MELTF: variants seen among roughly 807,000 people sequenced by gnomAD.
The protein encoded by MELTF is melanotransferrin.
In MELTF, 67 loss-of-function variants were observed where a neutral mutation model predicts 83.7. The observed-to-expected ratio is 0.80, with a 90% CI of 0.66 to 0.98. MELTF has a LOEUF of 0.98. MELTF is among the 50% of genes least tolerant of loss of function. The pLI, the probability that MELTF is intolerant of heterozygous loss-of-function variation, is 0.00. For missense variants in MELTF, 1,002 were observed against 1,035.6 expected, an observed-to-expected ratio of 0.97 and a Z score of 0.44; for synonymous variants, 462 against 447.6, an observed-to-expected ratio of 1.03 and a Z score of -0.41.
chr3:197,027,071 TC>T (rs1719886668), intron 2 of MELTF: 1 of 361,642 alleles, frequency 2.8e-6, no homozygotes, highest in Admixed American at 3.9e-5. Context: ...TCGCTTTCTG[TC>T]CCTCCACCCT....
rs1213827740 is a variant in MELTF at position 197,008,784 on chromosome 3, CCA to C, written c.1682+23_1682+24del. 6.2e-7 allele frequency: 1 copy of C among 1,613,794 alleles called. No homozygotes were observed. The highest frequency in any genetic ancestry group is 8.5e-7 in the Non-Finnish European group (1 of 1,179,892). On this transcript the variant is annotated intron_variant, in intron 12 of 15. Coordinates refer to ENST00000296350, the MANE Select transcript of MELTF (RefSeq NM_005929.6). The surrounding 1 kb of genome is among the most constrained non-coding windows in gnomAD (Gnocchi z 5.4). ...AGGGTCCCAGCCTCTGCACACAGCC[CCA>C]GACTGCCAGGCCACCCGGGTACCTG...
chr3:197,012,540 C>T (rs2148582054), intron 9 of MELTF, among the ~76,000 whole-genome samples: 1 of 152,386 alleles, frequency 6.6e-6, no homozygotes, highest in Admixed American at 6.5e-5. Flanking sequence ...GCAGAGTTGG[C>T]ACTGCTGAGG....
In MELTF at chr3:197,022,805, G is replaced by A; in HGVS notation, c.644+152C>T. 2.8e-6 allele frequency: 2 copies of A among 719,446 alleles called. No individual in the cohort carries two copies. The highest frequency in any genetic ancestry group is 3.7e-5 in the South Asian group (2 of 53,362). The allele number at this position is 719,446 out of a possible 1,614,324, so 44.6% of individuals were successfully genotyped here. A position where few individuals can be genotyped will look rare whatever the true frequency, so the allele number is the denominator to read the frequency against. On this transcript the variant is annotated intron_variant, in intron 5 of 15. Transcript: ENST00000296350. The surrounding 1 kb of genome is among the most constrained non-coding windows in gnomAD (Gnocchi z 5.1). ...GCTGGATGTTTTTAAACTAACCAGG[G>A]CACAGAACTATATAAAGGGTGCTTT...
chr3:197,012,242 G>A (rs895995053), intron 9 of MELTF, among the ~76,000 whole-genome samples: 2 of 152,206 alleles, frequency 1.3e-5, no homozygotes, highest in Non-Finnish European at 2.9e-5. Flanking sequence ...CTCAGGCAAC[G>A]CGGTGTGGGG....
Position 197,007,033 on chromosome 3 carries a change from T to C in MELTF, c.1751-297A>G, listed in dbSNP as rs761157952. ...CCCCACAACAGTAACGCAGGGTAGG[T>C]GTTTTTGTCCCCATTTTACAGGTGA... On this transcript the variant is annotated intron_variant, in intron 13 of 15. Transcript: ENST00000296350. The surrounding 1 kb of genome is among the most constrained non-coding windows in gnomAD (Gnocchi z 4.3). Among the ~76,000 whole-genome samples, 2 of 152,072 alleles carry C rather than the reference T, an allele frequency of 1.3e-5. No individual in the cohort carries two copies. The highest frequency in any genetic ancestry group is 2.9e-5 in the Non-Finnish European group (2 of 68,004).
chr3:197,017,058 A>G (rs1215865749), intron 7 of MELTF, 45 bp downstream of exon 7: 1 of 1,590,806 alleles, frequency 6.3e-7, no homozygotes, highest in East Asian at 2.3e-5. Flanking sequence ...AAGGCCCGGC[A>G]CCATCTAGGA....
At chr3:197,026,403 T>C (rs896950836) in intron 3 of MELTF, 10 of 491,756 alleles carry the variant, frequency 2.0e-5, no homozygotes, top group Admixed American at 3.2e-5. Flanking sequence ...CAGCCCGCAG[T>C]AAGAGCTGAG....
rs1056410864 is a variant in MELTF at position 197,011,383 on chromosome 3, C to G, written c.1234-589G>C. ...GCCTCCAGGTCACCTGCACCCACCC[C>G]GCTTGTCCATTCGGAAGCCTATTGA... On this transcript the variant is annotated intron_variant, in intron 9 of 15. Coordinates refer to ENST00000296350, the MANE Select transcript of MELTF (RefSeq NM_005929.6). The surrounding 1 kb of genome is among the most constrained non-coding windows in gnomAD (Gnocchi z 4.2). Among the ~76,000 whole-genome samples, 1 of 152,154 alleles carries G rather than the reference C, an allele frequency of 6.6e-6. No individual in the cohort carries two copies. Among genetic ancestry groups the G allele is most frequent in the Non-Finnish European group, 1.5e-5 (1 of 68,022 alleles).
rs532164402 is a variant in MELTF at position 197,021,344 on chromosome 3, C to T, written c.712+60G>A. On this transcript the variant is annotated intron_variant, in intron 6 of 15. Transcript: ENST00000296350. ...CCAACTCTGCCATCTAGGGTCCCTGCCCCAAGCCGGCCTGGCCTGACTCCC... is the reference window on the plus strand; with the variant it reads ...CCAACTCTGCCATCTAGGGTCCCTGTCCCAAGCCGGCCTGGCCTGACTCCC... 9 of 1,562,892 alleles carry T rather than the reference C, an allele frequency of 5.8e-6. No homozygotes were observed. The Admixed American group carries it at 1.3e-4, about 23-fold the overall frequency.
In MELTF at chr3:197,024,852, C is replaced by T. The variant is rs147605333; in HGVS notation, c.305-367G>A. Reference sequence around the variant, plus strand: ...TCCTTGCTTTCCAAGAGCCTAGGCCCCTAGGAGAACTTGGAGGGTTTGGGG... The same window carrying T: ...TCCTTGCTTTCCAAGAGCCTAGGCCTCTAGGAGAACTTGGAGGGTTTGGGG... On this transcript the variant is annotated intron_variant, in intron 3 of 15. Coordinates refer to ENST00000296350, the MANE Select transcript of MELTF (RefSeq NM_005929.6). The surrounding 1 kb of genome is among the most constrained non-coding windows in gnomAD (Gnocchi z 5.3). Among the ~76,000 whole-genome samples, 93 of 152,214 alleles carry T rather than the reference C, an allele frequency of 6.1e-4. No individual in the cohort carries two copies. The highest frequency in any genetic ancestry group is 1.1e-3 in the Non-Finnish European group (76 of 68,008).
rs148328143 is a variant in MELTF at position 197,024,465 on chromosome 3, C to G, written c.325G>C (p.Ala109Pro). The change falls in exon 4 of 16, where the codon GCC becomes CCC. Residue 109 changes from alanine to proline, a missense_variant. Transcript: ENST00000296350. The surrounding 1 kb of genome is among the most constrained non-coding windows in gnomAD (Gnocchi z 5.3). ...YDQEVGTSYY[A>P]VAVVRRSSHV... ...GAGCTCCTCCTGACCACAGCCACGG[C>G]GTAATAGGAGGTACCGACCTCTAGG... The G allele has an allele frequency of 6.3e-7, 1 of 1,593,588 alleles. No individual in the cohort carries two copies. Among genetic ancestry groups the G allele is most frequent in the Admixed American group, 1.7e-5 (1 of 58,760 alleles).
chr3:197,029,619 C>G lies in MELTF; in HGVS notation c.49+35G>C. The G allele has an allele frequency of 8.1e-7, 1 of 1,240,002 alleles. No individual in the cohort carries two copies. Among genetic ancestry groups the G allele is most frequent in the South Asian group, 3.6e-5 (1 of 27,424 alleles). The allele number at this position is 1,240,002 out of a possible 1,614,324, so 76.8% of individuals were successfully genotyped here. Reference sequence around the variant, plus strand: ...AGCCGGGCCGCGGCGCCCCGGGACCCCCGCCCGCCTTTGGCTCTCACAGCG... The same window carrying G: ...AGCCGGGCCGCGGCGCCCCGGGACCGCCGCCCGCCTTTGGCTCTCACAGCG... On this transcript the variant is annotated intron_variant, in intron 1 of 15. Transcript: ENST00000296350. The surrounding 1 kb of genome is among the most constrained non-coding windows in gnomAD (Gnocchi z 6.5).
rs776798204 is a variant in MELTF at position 197,016,352 on chromosome 3, C to T, written c.918G>A (p.Glu306=). 1.3e-6 allele frequency: 2 copies of T among 1,597,400 alleles called. No homozygotes were observed. The highest frequency in any genetic ancestry group is 1.7e-6 in the Non-Finnish European group (2 of 1,171,698). ...AGCTGAACATCTGGAAGCTGCTGCC[C>T]TCGTGGCTGAACAGACGCTGTGTGT... is the stretch of plus-strand genomic sequence containing the variant. ...LNEGQRLFSH[E]GSSFQMFSSE... Residue 306 remains glutamate (E), a synonymous_variant, in exon 8 of 16, where the codon GAG becomes GAA. Transcript: ENST00000296350.
In MELTF at chr3:197,024,517, A is replaced by AG; in HGVS notation, c.305-33dup. Reference sequence around the variant, plus strand: ...GGGGAGGGGAGTGGGTGAGGGCAGCAGGGAGAGGCCTCGAGAGAGGCTGCA... The same window carrying AG: ...GGGGAGGGGAGTGGGTGAGGGCAGCAGGGGAGAGGCCTCGAGAGAGGCTGCA... On this transcript the variant is annotated intron_variant, in intron 3 of 15. Transcript: ENST00000296350. This position sits in a 1 kb window ranked among gnomAD's most constrained non-coding sequence, Gnocchi z 5.3. The AG allele has an allele frequency of 6.5e-7, 1 of 1,540,294 alleles. No homozygotes were observed. The highest frequency in any genetic ancestry group is 1.2e-5 in the South Asian group (1 of 82,576).
intron 4 of MELTF, chr3:197,023,956 C>T (rs1719737739): frequency 1.9e-6 from 1 of 527,494 alleles, no homozygotes; most frequent in Admixed American, 2.2e-5. Context: ...GGACACATTT[C>T]TAGACACAGT....
Position 197,009,744 on chromosome 3 carries a change from A to C in MELTF, c.1399T>G (p.Leu467Val). The change falls in exon 11 of 16, where the codon TTG becomes GTG. Residue 467 changes from leucine to valine, a missense_variant. By Grantham distance (32) the Leu-to-Val change is conservative. Transcript: ENST00000296350. ...GAGCGCTTGCCCCGAAGCTCATCCA[A>C]GGTGAAGGCGTGGGAGCTGTCCCGT... ...VRRDSSHAFTLDELRGKRSCH... is the reference protein window; with the variant it reads ...VRRDSSHAFTVDELRGKRSCH... 1 of 1,613,606 alleles carries C rather than the reference A, an allele frequency of 6.2e-7. No homozygotes were observed. The highest frequency in any genetic ancestry group is 8.5e-7 in the Non-Finnish European group (1 of 1,180,020).
rs1399231341 is a variant in MELTF, at chr3:197,024,601, C to CATGGATGT, written c.305-117_305-116insACATCCAT. ...TGTGTGCACGGAGCACGGCTGTACA[C>CATGGATGT]ACGGATGTGTGCATAGCGTTCTCGT... On this transcript the variant is annotated intron_variant, in intron 3 of 15. Coordinates refer to ENST00000296350, the MANE Select transcript of MELTF (RefSeq NM_005929.6). The surrounding 1 kb of genome is among the most constrained non-coding windows in gnomAD (Gnocchi z 5.3). 6 of 884,504 alleles carry CATGGATGT rather than the reference C, an allele frequency of 6.8e-6. No individual in the cohort carries two copies. Among genetic ancestry groups the CATGGATGT allele is most frequent in the Non-Finnish European group, 1.0e-5 (6 of 594,920 alleles). 54.8% of individuals were successfully genotyped at this position (884,504 alleles called of 1,614,324 possible).
At position 197,006,549 on chromosome 3, in the gene MELTF, C is replaced by A; in HGVS notation, c.1938G>T (p.Gln646His). The change falls in exon 14 of 16, where the codon CAG (glutamine) becomes CAT (histidine). Residue 646 changes from glutamine to histidine, a missense_variant and splice_region_variant. Physicochemically the swap from Gln to His is conservative, Grantham distance 24. Transcript: ENST00000296350. This position sits in a 1 kb window ranked among gnomAD's most constrained non-coding sequence, Gnocchi z 5.4. ...FTVYGLLDKA[Q>H]DLFGDDHNKN... ...ATGAGGTAGCCCCACCCTGGCTCAC[C>A]TGGGCCTTGTCCAGCAGTCCATACA... 1 of 1,611,850 alleles carries A rather than the reference C, an allele frequency of 6.2e-7. No homozygotes were observed. The highest frequency in any genetic ancestry group is 8.5e-7 in the Non-Finnish European group (1 of 1,178,978).
chr3:197,020,665 G>GT lies in MELTF; in HGVS notation c.712+738dup, dbSNP rs1033880597. On this transcript the variant is annotated intron_variant, in intron 6 of 15. Transcript: ENST00000296350. ...CAATATATAACACCAGTCTTTGTGGGTTTTTTTTTTGTTGTTGTTTTTTAG... is the reference window on the plus strand; with the variant it reads ...CAATATATAACACCAGTCTTTGTGGGTTTTTTTTTTTGTTGTTGTTTTTTAG... 4.5e-3 allele frequency among the ~76,000 whole-genome samples: 675 copies of GT among 148,550 alleles called. 6 individuals carry two copies. Among genetic ancestry groups the GT allele is most frequent in the Middle Eastern group, 0.028 (8 of 286 alleles).
Sources: gnomAD v4.1 joint callset for allele counts (sites outside exome capture counted in the v4.1 genomes callset) on GRCh38, gnomAD v4.1.1 for gene constraint, Gnocchi (gnomAD v3.1) non-coding constraint, MANE v1.5 for transcripts, NCBI Gene and HGNC (gene_info 2026-07-23, HGNC 2026-07-21) for gene names.